Variants in GSE1 observed in about 807,000 individuals in gnomAD.
The protein encoded by GSE1 is genetic suppressor element 1.
In GSE1, 32 loss-of-function variants were observed where a neutral mutation model predicts 112.6. The ratio of observed to expected loss-of-function variants is 0.28; its 90% CI spans 0.21 to 0.38. The LOEUF is 0.38. Among genes scored for constraint, GSE1 ranks in the 10% least tolerant of loss-of-function variants. The pLI is 1.00. For synonymous variants in GSE1, 1,115 were observed against 735.6 expected (o/e 1.52, Z -8.35); for missense variants, 2,348 against 1,699.2 (o/e 1.38, Z -6.71).
At chr16:85,247,142 C>G (rs1474961460) in intron 1 of GSE1, among the ~76,000 whole-genome samples, 2 of 152,092 alleles carry the variant, frequency 1.3e-5, no homozygotes, top group African/African-American at 4.8e-5. Flanking sequence ...CTGTTTCCAC[C>G]CAGGCTCTCA....
intron 2 of GSE1, among the ~76,000 whole-genome samples, chr16:85,412,438 C>CT (rs1324414008): frequency 4.8e-4 from 13 of 27,102 alleles, no homozygotes; most frequent in Non-Finnish European, 7.6e-4. Context: ...TCAGGCCCCC[C>CT]GGATAATCCT....
At chr16:85,318,544 C>T (rs923187553) in intron 1 of GSE1, among the ~76,000 whole-genome samples, 4 of 152,186 alleles carry the variant, frequency 2.6e-5, no homozygotes, top group Non-Finnish European at 4.4e-5. Flanking sequence ...GGATTACAAG[C>T]GTGAGCCACT....
intron 1 of GSE1, among the ~76,000 whole-genome samples, chr16:85,293,250 A>G (rs2045273183): frequency 6.6e-6 from 1 of 152,170 alleles, no homozygotes; most frequent in South Asian, 2.1e-4. Flanking sequence ...AAATCACCAC[A>G]AAAGTGGTGG....
intron 2 of GSE1, among the ~76,000 whole-genome samples, chr16:85,527,212 C>G (rs2052391619): frequency 6.6e-6 from 1 of 152,254 alleles, no homozygotes; most frequent in Non-Finnish European, 1.5e-5. Context: ...CTGGGCTTGT[C>G]TCCCCACTGG....
intron 1 of GSE1, among the ~76,000 whole-genome samples, chr16:85,235,642 C>T (rs553772831): frequency 5.1e-4 from 78 of 151,648 alleles, no homozygotes; most frequent in Middle Eastern, 3.2e-3. Flanking sequence ...ACTCCTCGTC[C>T]CCCCTCCTCC....
At chr16:85,476,391 C>A (rs536964627) in intron 2 of GSE1, among the ~76,000 whole-genome samples, 35 of 152,284 alleles carry the variant, frequency 2.3e-4, no homozygotes, top group African/African-American at 7.7e-4. Flanking sequence ...GTCTTCTAAT[C>A]CCCCCATACA....
At chr16:85,313,585 C>T (rs894561644) in intron 1 of GSE1, among the ~76,000 whole-genome samples, 5 of 152,184 alleles carry the variant, frequency 3.3e-5, no homozygotes, top group Admixed American at 3.3e-4. Context: ...GTTTTCCTGC[C>T]CTGCTAGTGC....
intron 1 of GSE1, among the ~76,000 whole-genome samples, chr16:85,575,902 GTTTTT>G (rs11331736): frequency 3.0e-5 from 4 of 132,620 alleles, no homozygotes; most frequent in African/African-American, 1.1e-4. Flanking sequence ...CCTCGTTTCT[GTTTTT>G]TTTTTTTTTT....
intron 1 of GSE1, among the ~76,000 whole-genome samples, chr16:85,350,948 T>C (rs1036267393): frequency 1.8e-4 from 28 of 152,208 alleles, no homozygotes; most frequent in African/African-American, 6.8e-4. Flanking sequence ...CCCGGCTAAT[T>C]ATTGCATTTT....
At chr16:85,235,555 G>A (rs1354110235) in intron 1 of GSE1, among the ~76,000 whole-genome samples, 1 of 121,490 alleles carries the variant, frequency 8.2e-6, no homozygotes, top group Non-Finnish European at 1.7e-5. Context: ...GTGATAAAGG[G>A]ACTATATGTG....
chr16:85,366,217 C>T lies in GSE1; in HGVS notation c.2464+8574C>T, dbSNP rs57580905. ...CGCTGCCGAGTGCTTTGACACCAGG[C>T]GCTCCCAGAGCTCTGCCCCCACTGC... On this transcript the variant is annotated intron_variant, in intron 2 of 2. Transcript: ENST00000637419. Among the ~76,000 whole-genome samples the T allele has an allele frequency of 8.4e-3, 1,278 of 152,352 alleles. 17 individuals carry two copies. The highest frequency in any genetic ancestry group is 0.029 in the African/African-American group (1,221 of 41,582).
Position 85,317,689 on chromosome 16 carries a change from C to T in GSE1, c.2284-39774C>T, listed in dbSNP as rs147342723. Among the ~76,000 whole-genome samples the T allele has an allele frequency of 2.5e-3, 378 of 152,310 alleles. 3 individuals are homozygous for T. Among genetic ancestry groups the T allele is most frequent in the Non-Finnish European group, 4.3e-3 (290 of 68,026 alleles). On this transcript the variant is annotated intron_variant, in intron 1 of 2. Transcript: ENST00000637419. Reference sequence around the variant, plus strand: ...CCCGAGGCCCCTGGCAAGATTGAGCCCCGGTGCCCACAGTGAACGCTGGTG... The same window carrying T: ...CCCGAGGCCCCTGGCAAGATTGAGCTCCGGTGCCCACAGTGAACGCTGGTG...
intron 1 of GSE1, among the ~76,000 whole-genome samples, chr16:85,202,336 C>A (rs957439288): frequency 6.6e-6 from 1 of 152,252 alleles, no homozygotes; most frequent in Non-Finnish European, 1.5e-5. Context: ...CCGTTTGTGC[C>A]CCACACGGCC....
chr16:85,585,715 C>G (rs938818435), intron 1 of GSE1, among the ~76,000 whole-genome samples: 1 of 152,244 alleles, frequency 6.6e-6, no homozygotes, highest in Non-Finnish European at 1.5e-5. Context: ...CTCTGGGCCT[C>G]ACTTTCCTTG....
chr16:85,580,677 G>T lies in GSE1; in HGVS notation c.37+24314G>T, dbSNP rs533375048. On this transcript the variant is annotated intron_variant, in intron 1 of 2. Coordinates refer to the GSE1 transcript ENST00000635906. ...TCAGATGTGGAAGCCCCGACCCTCAGGGTGGCTGTATTTGGAAATGGAGCC... is the reference window on the plus strand; with the variant it reads ...TCAGATGTGGAAGCCCCGACCCTCATGGTGGCTGTATTTGGAAATGGAGCC... Among the ~76,000 whole-genome samples, 3 of 152,360 alleles carry T rather than the reference G, an allele frequency of 2.0e-5. No individual in the cohort carries two copies. In the South Asian group the frequency reaches 6.2e-4, roughly 32 times the overall value.
In GSE1 at chr16:85,282,385, G is replaced by T. The variant is rs187608184; in HGVS notation, c.2284-75078G>T. 8.9e-3 allele frequency among the ~76,000 whole-genome samples: 1,362 copies of T among 152,260 alleles called. 17 individuals carry two copies. Among genetic ancestry groups the T allele is most frequent in the Middle Eastern group, 0.027 (8 of 294 alleles). Reference sequence around the variant, plus strand: ...TTTGCCACCGACCTGCCTCTCACTGGGGTAGACTGACTTCAAAGCTTTTTT... The same window carrying T: ...TTTGCCACCGACCTGCCTCTCACTGTGGTAGACTGACTTCAAAGCTTTTTT... On this transcript the variant is annotated intron_variant, in intron 1 of 2. Coordinates refer to the GSE1 transcript ENST00000637419.
At chr16:85,580,544 C>T (rs1391356051) in intron 1 of GSE1, among the ~76,000 whole-genome samples, 3 of 152,196 alleles carry the variant, frequency 2.0e-5, no homozygotes, top group Admixed American at 6.5e-5. Context: ...CATGCCCCAG[C>T]GATGCCCAGG....
chr16:85,494,305 C>T (rs1430784817), intron 2 of GSE1, among the ~76,000 whole-genome samples: 12 of 152,166 alleles, frequency 7.9e-5, no homozygotes, highest in Non-Finnish European at 1.3e-4. Context: ...GGCTTGTGGC[C>T]GCTTCACTAC....
In GSE1 at chr16:85,241,503, T is replaced by C. The variant is rs556560993; in HGVS notation, c.2283+69696T>C. Among the ~76,000 whole-genome samples the C allele has an allele frequency of 4.7e-4, 71 of 152,158 alleles. 1 individual carries two copies. The highest frequency in any genetic ancestry group is 1.1e-3 in the Admixed American group (17 of 15,286). On this transcript the variant is annotated intron_variant, in intron 1 of 2. Coordinates refer to the GSE1 transcript ENST00000637419. ...GGGTACTGCAAGCTGGAGTTGGTTA[T>C]TTTTTTTCAGAAAGCTGGTGGTTAA...
Sources: gnomAD v4.1 joint callset for allele counts (sites outside exome capture counted in the v4.1 genomes callset) on GRCh38, gnomAD v4.1.1 for gene constraint, MANE v1.5 for transcripts, NCBI Gene and HGNC (gene_info 2026-07-23, HGNC 2026-07-21) for gene names.